The following ASCC1 variants were observed in gnomAD, a reference collection of about 807,000 sequenced individuals.
ASCC1 encodes activating signal cointegrator 1 complex subunit 1.
A neutral mutation model predicts 46.6 loss-of-function variants in ASCC1; 35 were observed. That is an observed-to-expected ratio of 0.75 (90% CI 0.57 to 0.99). The LOEUF is 0.99. Among genes scored for constraint, ASCC1 ranks in the 50% least tolerant of loss-of-function variants. The pLI is 0.00. For synonymous variants in ASCC1, 143 were observed against 146.6 expected, an observed-to-expected ratio of 0.98 and a Z score of 0.18; for missense variants, 376 against 428.7, an observed-to-expected ratio of 0.88 and a Z score of 1.09.
At chr10:72,145,986 C>T (rs1231140689) in intron 7 of ASCC1, among the ~76,000 whole-genome samples, 7 of 152,350 alleles carry the variant, frequency 4.6e-5, no homozygotes, top group African/African-American at 1.7e-4. Context: ...TCCCATCTCA[C>T]ACATTCTATT....
chr10:72,178,011 T>C (rs1378724809), intron 5 of ASCC1, among the ~76,000 whole-genome samples: 2 of 152,170 alleles, frequency 1.3e-5, no homozygotes, highest in African/African-American at 2.4e-5. Context: ...CAGGGAATGC[T>C]ATCCTAAAAG....
At chr10:72,124,763 A>G (rs1050554231) in intron 9 of ASCC1, among the ~76,000 whole-genome samples, 1 of 149,956 alleles carries the variant, frequency 6.7e-6, no homozygotes, top group African/African-American at 2.5e-5. Context: ...TTAGATTAGA[A>G]ATGGATACTC....
intron 9 of ASCC1, among the ~76,000 whole-genome samples, chr10:72,115,229 A>C (rs1228908114): frequency 1.3e-5 from 2 of 152,128 alleles, no homozygotes; most frequent in East Asian, 3.8e-4. Context: ...CCAAAATCTG[A>C]TGTCTGTAGA....
intron 5 of ASCC1, among the ~76,000 whole-genome samples, chr10:72,183,614 A>C (rs1428874955): frequency 2.0e-5 from 3 of 152,100 alleles, no homozygotes; most frequent in African/African-American, 7.2e-5. Flanking sequence ...GCACCACTGC[A>C]CTTCAGCCTG....
intron 5 of ASCC1, among the ~76,000 whole-genome samples, chr10:72,186,338 G>T (rs1405552736): frequency 6.6e-6 from 1 of 152,048 alleles, no homozygotes; most frequent in East Asian, 1.9e-4. Context: ...TTATGAGCCA[G>T]GAGATTTTGT....
chr10:72,139,114 C>CTTTTTT (rs1222967667), intron 7 of ASCC1, among the ~76,000 whole-genome samples: 47 of 130,678 alleles, frequency 3.6e-4, no homozygotes, highest in Non-Finnish European at 5.2e-4. Flanking sequence ...TTTTCTTTTT[C>CTTTTTT]TTTTTTTTTT....
intron 9 of ASCC1, chr10:72,102,497 C>A: frequency 9.1e-7 from 1 of 1,100,952 alleles, no homozygotes; most frequent in Non-Finnish European, 1.3e-6. Flanking sequence ...TCTTTTTATA[C>A]TAGGGAAATG....
intron 5 of ASCC1, among the ~76,000 whole-genome samples, chr10:72,195,302 T>C (rs1402931100): frequency 2.0e-5 from 3 of 151,752 alleles, no homozygotes; most frequent in Non-Finnish European, 4.4e-5. Flanking sequence ...CACACCATCA[T>C]GCCTGGATAA....
chr10:72,122,846 A>C (rs78078085), intron 9 of ASCC1, among the ~76,000 whole-genome samples: 4,057 of 152,282 alleles, frequency 0.027, 68 homozygotes, highest in Non-Finnish European at 0.039. Context: ...TTTTAAGGTA[A>C]ATGAAAATGA....
At chr10:72,139,113 T>C (rs1013574479) in intron 7 of ASCC1, among the ~76,000 whole-genome samples, 1 of 146,940 alleles carries the variant, frequency 6.8e-6, no homozygotes, top group African/African-American at 2.7e-5. Flanking sequence ...TTTTTCTTTT[T>C]CTTTTTTTTT....
At chr10:72,183,030 A>G (rs911906574) in intron 5 of ASCC1, among the ~76,000 whole-genome samples, 3 of 151,140 alleles carry the variant, frequency 2.0e-5, no homozygotes, top group Non-Finnish European at 4.4e-5. Context: ...CCAGATAAGA[A>G]TGACAAAAAA....
At position 72,128,151 on chromosome 10, in the gene ASCC1, A is replaced by T; in HGVS notation, c.888T>A (p.Asn296Lys). The T allele has an allele frequency of 6.2e-7, 1 of 1,613,350 alleles. No individual in the cohort carries two copies. The highest frequency in any genetic ancestry group is 8.5e-7 in the Non-Finnish European group (1 of 1,179,408). ...RKDPNAEGRY[N>K]LYTAEGKYIF... is the part of the protein sequence containing the mutation. ...TATATTTGCCTTCCGCTGTGTAGAGATTGTACCTGCCTTCAGCTGTAAATA... is the reference window on the plus strand; with the variant it reads ...TATATTTGCCTTCCGCTGTGTAGAGTTTGTACCTGCCTTCAGCTGTAAATA... Residue 296 changes from asparagine (N) to lysine (K), a missense_variant, in exon 9 of 10, where the codon AAT (asparagine) becomes AAA (lysine). Transcript: ENST00000672957.
intron 5 of ASCC1, among the ~76,000 whole-genome samples, chr10:72,171,187 T>C (rs192181843): frequency 3.3e-5 from 5 of 152,342 alleles, no homozygotes; most frequent in African/African-American, 9.6e-5. Flanking sequence ...ATTGGTGCTA[T>C]AACAAATTAC....
chr10:72,173,781 T>C (rs774279986), intron 5 of ASCC1, among the ~76,000 whole-genome samples: 1 of 152,190 alleles, frequency 6.6e-6, no homozygotes, highest in Admixed American at 6.5e-5. Context: ...CCCAAGCCCA[T>C]TCACTGAGAT....
At chr10:72,145,706 AATTACATTAAT>A (rs554157638) in intron 7 of ASCC1, among the ~76,000 whole-genome samples, 12 of 152,296 alleles carry the variant, frequency 7.9e-5, no homozygotes, top group Admixed American at 7.8e-4. Context: ...CCCACTTTGC[AATTACATTAAT>A]ATATTCATGT....
At chr10:72,098,694 T>C (rs1247986136) in intron 9 of ASCC1, among the ~76,000 whole-genome samples, 2 of 152,262 alleles carry the variant, frequency 1.3e-5, no homozygotes, top group Non-Finnish European at 1.5e-5. Context: ...GCCTGAGGGT[T>C]CATTAAAGGC....
intron 2 of ASCC1, among the ~76,000 whole-genome samples, chr10:72,211,990 C>G (rs1247790496): frequency 6.6e-6 from 1 of 152,144 alleles, no homozygotes; most frequent in South Asian, 2.1e-4. Context: ...TTGAGGCCAC[C>G]CTGGCCAACA....
At chr10:72,166,424 C>A (rs752970972) in intron 5 of ASCC1, among the ~76,000 whole-genome samples, 8 of 151,642 alleles carry the variant, frequency 5.3e-5, no homozygotes, top group Non-Finnish European at 1.2e-4. Flanking sequence ...GCAACTTAGA[C>A]CAGTTCAAGA....
chr10:72,129,699 A>G (rs1410233858), intron 8 of ASCC1, among the ~76,000 whole-genome samples: 8 of 152,046 alleles, frequency 5.3e-5, no homozygotes, highest in African/African-American at 1.9e-4. Context: ...CCAGCTACTC[A>G]GGAGGCTGAG....
Sources: gnomAD v4.1 joint callset for allele counts (sites outside exome capture counted in the v4.1 genomes callset) on GRCh38, gnomAD v4.1.1 for gene constraint, MANE v1.5 for transcripts, NCBI Gene and HGNC (gene_info 2026-07-23, HGNC 2026-07-21) for gene names.